Variants in PCBP3 observed in about 807,000 individuals in gnomAD.
PCBP3 encodes poly(rC) binding protein 3, also known as poly(rC)-binding protein 3.
In PCBP3, 25 loss-of-function variants were observed where a neutral mutation model predicts 52.7. The observed-to-expected ratio is 0.47, with a 90% CI of 0.35 to 0.66. PCBP3 has a LOEUF of 0.66. Among genes scored for constraint, PCBP3 ranks in the 30% least tolerant of loss-of-function variants. The probability of loss-of-function intolerance (pLI) is 0.01; values close to 1 mark genes in which losing one functional copy is unlikely to be tolerated. For missense variants in PCBP3, 391 were observed against 490.3 expected (o/e 0.80, Z 1.91); for synonymous variants, 162 against 183.0 (o/e 0.89, Z 0.93).
chr21:45,875,748 C>T (rs747871904), intron 5 of PCBP3, among the ~76,000 whole-genome samples: 1 of 152,230 alleles, frequency 6.6e-6, no homozygotes, highest in Non-Finnish European at 1.5e-5. Context: ...GCCCACTGAC[C>T]CTGAGGCTAC....
At chr21:45,868,479 T>G (rs2094851803) in intron 5 of PCBP3, among the ~76,000 whole-genome samples, 1 of 149,254 alleles carries the variant, frequency 6.7e-6, no homozygotes, top group South Asian at 2.1e-4. Context: ...GCCACAGGTC[T>G]GGGTGACCTA....
intron 5 of PCBP3, among the ~76,000 whole-genome samples, chr21:45,886,476 C>T (rs902557381): frequency 6.3e-4 from 94 of 150,228 alleles, no homozygotes; most frequent in Non-Finnish European, 1.2e-3. Context: ...CTCATTGCCG[C>T]GGGTGCCAAG....
intron 13 of PCBP3, among the ~76,000 whole-genome samples, chr21:45,922,445 C>T (rs2074572172): frequency 6.6e-6 from 1 of 152,142 alleles, no homozygotes; most frequent in African/African-American, 2.4e-5. Flanking sequence ...GTCCCAGCTA[C>T]TCAGGAGGCT....
intron 1 of PCBP3, among the ~76,000 whole-genome samples, chr21:45,647,983 G>A (rs1448794823): frequency 6.6e-6 from 1 of 152,204 alleles, no homozygotes; most frequent in African/African-American, 2.4e-5. Flanking sequence ...GTGTCAGAGT[G>A]ATGTGAGGTG....
At chr21:45,685,460 A>G (rs903550557) in intron 2 of PCBP3, among the ~76,000 whole-genome samples, 1 of 152,220 alleles carries the variant, frequency 6.6e-6, no homozygotes, top group Non-Finnish European at 1.5e-5. Context: ...AAAAGGAAGG[A>G]GACCTTTGCC....
intron 4 of PCBP3, among the ~76,000 whole-genome samples, chr21:45,784,424 A>G (rs1448201309): frequency 3.7e-4 from 29 of 78,900 alleles, no homozygotes; most frequent in African/African-American, 1.3e-3. Context: ...CGCTACCCCT[A>G]CCTCCTACCT....
At chr21:45,754,735 G>T (rs181384248) in intron 3 of PCBP3, among the ~76,000 whole-genome samples, 1 of 152,288 alleles carries the variant, frequency 6.6e-6, no homozygotes, top group East Asian at 1.9e-4. Context: ...CTGGGTAGAA[G>T]ATTATTTTCT....
In PCBP3 at chr21:45,904,639, T is replaced by C. The variant is rs978257104; in HGVS notation, c.339+3526T>C. On this transcript the variant is annotated intron_variant, in intron 9 of 17. Coordinates refer to ENST00000681687, the MANE Select transcript of PCBP3 (RefSeq NM_001384156.1). The surrounding 1 kb of genome is among the most constrained non-coding windows in gnomAD (Gnocchi z 4.8). ...TGGAAATGCAAAATCAAGGAATTTTTTGGCAACTTTAAGGACCGTAGCTTT... is the reference window on the plus strand; with the variant it reads ...TGGAAATGCAAAATCAAGGAATTTTCTGGCAACTTTAAGGACCGTAGCTTT... Among the ~76,000 whole-genome samples the C allele has an allele frequency of 6.6e-6, 1 of 152,224 alleles. No homozygotes were observed. The highest frequency in any genetic ancestry group is 1.5e-5 in the Non-Finnish European group (1 of 68,036).
In PCBP3 at chr21:45,929,937, G is replaced by A. The variant is rs759449074; in HGVS notation, c.738G>A (p.Gln246=). Residue 246 remains glutamine (Q), a synonymous_variant, in exon 14 of 18, where the codon CAG becomes CAA. Transcript: ENST00000681687. ...CCCAGCAGTTGACCAAGCTCCACCA[G>A]TTGGCCATGCAGCAAACCCCCTTTC... The part of the protein sequence containing the change: ...PHPDQLTKLH[Q]LAMQQTPFPP... 22 of 1,613,704 alleles carry A rather than the reference G, an allele frequency of 1.4e-5. No homozygotes were observed. The East Asian group carries it at 4.9e-4, about 36-fold the overall frequency.
chr21:45,857,521 G>A (rs966386643), intron 5 of PCBP3, among the ~76,000 whole-genome samples: 5 of 152,148 alleles, frequency 3.3e-5, no homozygotes, highest in Non-Finnish European at 7.3e-5. Context: ...CCAGCCTCAG[G>A]CATTCCTTTA....
intron 4 of PCBP3, among the ~76,000 whole-genome samples, chr21:45,777,672 C>G: frequency 6.6e-6 from 1 of 151,728 alleles, no homozygotes; most frequent in East Asian, 1.9e-4. Context: ...TACAGAGATT[C>G]TTTCTTCTGC....
intron 4 of PCBP3, among the ~76,000 whole-genome samples, chr21:45,808,545 G>A (rs1385876444): frequency 2.0e-5 from 3 of 152,204 alleles, no homozygotes; most frequent in Non-Finnish European, 4.4e-5. Flanking sequence ...AACAGCAGAT[G>A]CTAGAGGGGA....
In PCBP3 at chr21:45,853,055, C is replaced by T. The variant is rs1390383900; in HGVS notation, c.10+2960C>T. ...GACCAGCAGGAGCGGGCAGTGGACT[C>T]GCACCAGGCATTGGGAGCAGATGCG... On this transcript the variant is annotated intron_variant, in intron 5 of 17. Coordinates refer to ENST00000681687, the MANE Select transcript of PCBP3 (RefSeq NM_001384156.1). This position sits in a 1 kb window ranked among gnomAD's most constrained non-coding sequence, Gnocchi z 4.6. 2.0e-5 allele frequency among the ~76,000 whole-genome samples: 3 copies of T among 152,158 alleles called. No individual in the cohort carries two copies. Among genetic ancestry groups the T allele is most frequent in the Admixed American group, 6.5e-5 (1 of 15,280 alleles).
At chr21:45,884,036 T>C (rs1379148008) in intron 5 of PCBP3, among the ~76,000 whole-genome samples, 1 of 151,998 alleles carries the variant, frequency 6.6e-6, no homozygotes, top group Non-Finnish European at 1.5e-5. Flanking sequence ...TGGGCTGAAG[T>C]GATCCCCCCA....
intron 4 of PCBP3, among the ~76,000 whole-genome samples, chr21:45,839,723 G>C (rs115922554): frequency 1.1e-3 from 165 of 152,294 alleles, no homozygotes; most frequent in African/African-American, 3.7e-3. Flanking sequence ...CTCTCACTTT[G>C]TTGCCCAGGC....
At chr21:45,781,220 T>C (rs1403707962) in intron 4 of PCBP3, among the ~76,000 whole-genome samples, 1 of 152,016 alleles carries the variant, frequency 6.6e-6, no homozygotes, top group Non-Finnish European at 1.5e-5. Flanking sequence ...TTCTCTTACA[T>C]GGGTAAGAGA....
chr21:45,877,219 C>G (rs570631343), intron 5 of PCBP3, among the ~76,000 whole-genome samples: 1 of 152,212 alleles, frequency 6.6e-6, no homozygotes, highest in South Asian at 2.1e-4. Flanking sequence ...GGAACCTAGG[C>G]CTGGAGCCAG....
At chr21:45,858,392 GGA>G (rs1245035908) in intron 5 of PCBP3, 35 of 152,466 alleles carry the variant, frequency 2.3e-4, no homozygotes, top group African/African-American at 7.7e-4. Flanking sequence ...GGGCGGAGGA[GGA>G]ACGGCTTCTC....
At position 45,850,067 on chromosome 21, in the gene PCBP3, T is replaced by G. The variant is rs1166760225; in HGVS notation, c.-19T>G. On this transcript the variant is annotated 5_prime_UTR_variant, in exon 5 of 18. It removes the in-frame stop codon of an upstream open reading frame in the 5' UTR. Transcript: ENST00000681687. ...ACCTTTGCTGTCTATGGATCTGCTCTAAACCTTATAGCCTGCTTATGGGGG... is the reference window on the plus strand; with the variant it reads ...ACCTTTGCTGTCTATGGATCTGCTCGAAACCTTATAGCCTGCTTATGGGGG... The G allele has an allele frequency of 1.9e-6, 3 of 1,549,396 alleles. No homozygotes were observed. The African/African-American group carries it at 4.1e-5, about 21-fold the overall frequency.
Sources: allele counts gnomAD v4.1 joint callset (sites outside exome capture counted in the v4.1 genomes callset), GRCh38; gene constraint gnomAD v4.1.1; non-coding constraint Gnocchi (gnomAD v3.1); transcripts MANE v1.5; gene names NCBI Gene and HGNC (gene_info 2026-07-23, HGNC 2026-07-21).